The following PLD5 variants were observed in gnomAD, a reference collection of about 807,000 sequenced individuals.
PLD5 encodes phospholipase D family member 5, also known as inactive phospholipase D5.
PLD5 carries 36 observed loss-of-function variants against 61.1 expected under a neutral mutation model. The observed-to-expected ratio is 0.59, with a 90% CI of 0.45 to 0.78. The LOEUF (loss-of-function observed/expected upper bound fraction) is 0.78, where lower values mean the gene tolerates loss of function less well. Among genes scored for constraint, PLD5 ranks in the 30% least tolerant of loss-of-function variants. PLD5 has a pLI of 0.00. For synonymous variants in PLD5, 243 were observed against 242.8 expected (o/e 1.00, Z -0.01); for missense variants, 515 against 644.4 (o/e 0.80, Z 2.17).
At chr1:242,297,136 G>C (rs1675706804) in intron 2 of PLD5, among the ~76,000 whole-genome samples, 1 of 152,024 alleles carries the variant, frequency 6.6e-6, no homozygotes, top group Non-Finnish European at 1.5e-5. Context: ...ATGAGGTCAA[G>C]AGATCGAGAC....
At chr1:242,323,471 C>G (rs6688620) in intron 2 of PLD5, among the ~76,000 whole-genome samples, 12,571 of 152,184 alleles carry the variant, frequency 0.083, 723 homozygotes, top group East Asian at 0.29. Context: ...ACAGAAATCC[C>G]TTCCAAGAAT....
chr1:242,259,363 A>G (rs1673260324), intron 4 of PLD5, among the ~76,000 whole-genome samples: 1 of 152,180 alleles, frequency 6.6e-6, no homozygotes, highest in African/African-American at 2.4e-5. Context: ...GATGAAAAAG[A>G]GCTTGTAAAT....
chr1:242,401,525 C>G (rs1403124690), intron 1 of PLD5, among the ~76,000 whole-genome samples: 5 of 152,164 alleles, frequency 3.3e-5, no homozygotes, highest in Non-Finnish European at 7.3e-5. Context: ...CTCTCCAAGC[C>G]CACATCCTGT....
chr1:242,088,402 T>C lies in PLD5; in HGVS notation c.*1452A>G, dbSNP rs1035693990. The C allele has an allele frequency of 4.6e-5, 7 of 152,230 alleles. No individual in the cohort carries two copies. Among genetic ancestry groups the C allele is most frequent in the African/African-American group, 1.7e-4 (7 of 41,458 alleles). The allele number at this position is 152,230 out of a possible 1,614,324, so 9.4% of individuals were successfully genotyped here. A position where few individuals can be genotyped will look rare whatever the true frequency, so the allele number is the denominator to read the frequency against. On this transcript the variant is annotated 3_prime_UTR_variant, in exon 10 of 10. Coordinates refer to ENST00000536534, the MANE Select transcript of PLD5 (RefSeq NM_001372062.1). ...GGACCTGGTGTTGATTCCATCAAGA[T>C]ATGACAAAGTTTATTTCAAGAAAAA...
chr1:242,096,830 G>C (rs932793479), intron 9 of PLD5, among the ~76,000 whole-genome samples: 1 of 151,914 alleles, frequency 6.6e-6, no homozygotes, highest in Admixed American at 6.6e-5. Flanking sequence ...TGCCATGTTG[G>C]TGTGCTGCAC....
chr1:242,363,777 A>G (rs1363214314), intron 1 of PLD5, among the ~76,000 whole-genome samples: 1 of 152,210 alleles, frequency 6.6e-6, no homozygotes, highest in Non-Finnish European at 1.5e-5. Context: ...TATGCTACAG[A>G]GAGATTTTAA....
At chr1:242,404,463 G>A (rs1008266461) in intron 1 of PLD5, among the ~76,000 whole-genome samples, 9 of 151,988 alleles carry the variant, frequency 5.9e-5, no homozygotes, top group African/African-American at 1.7e-4. Context: ...AACTACGAGC[G>A]TTTCTAGCTG....
chr1:242,458,992 T>C (rs1275972032), intron 1 of PLD5, among the ~76,000 whole-genome samples: 1 of 152,204 alleles, frequency 6.6e-6, no homozygotes, highest in Non-Finnish European at 1.5e-5. Context: ...TTGCATTACA[T>C]CAGTCTATTC....
chr1:242,292,997 A>C (rs1444854873), intron 2 of PLD5, among the ~76,000 whole-genome samples: 1 of 152,188 alleles, frequency 6.6e-6, no homozygotes, highest in East Asian at 1.9e-4. Flanking sequence ...GTCCATGGCT[A>C]AAAAAGGGGT....
At chr1:242,399,495 T>A (rs759740472) in intron 1 of PLD5, among the ~76,000 whole-genome samples, 14 of 152,324 alleles carry the variant, frequency 9.2e-5, no homozygotes, top group African/African-American at 3.4e-4. Flanking sequence ...TATTCATTCT[T>A]TCCTAGGAGT....
chr1:242,238,866 G>A (rs770447187), intron 4 of PLD5, among the ~76,000 whole-genome samples: 16 of 152,078 alleles, frequency 1.1e-4, no homozygotes, highest in Admixed American at 2.0e-4. Context: ...GCAGGCTTTC[G>A]TTAAAGCTCA....
Position 242,090,012 on chromosome 1 carries a change from G to A in PLD5, c.1453C>T (p.Gln485Ter). The A allele has an allele frequency of 1.2e-6, 2 of 1,614,182 alleles. No individual in the cohort carries two copies. Among genetic ancestry groups the A allele is most frequent in the East Asian group, 2.2e-5 (1 of 44,880 alleles). Residue 485 changes from glutamine (Q) to a stop codon, truncating the protein, a stop_gained, in exon 10 of 10, where the codon CAA becomes TAA. Coordinates refer to ENST00000536534, the MANE Select transcript of PLD5 (RefSeq NM_001372062.1). LOFTEE classifies it high-confidence loss of function. ...TCCCTTTCAAACACATCTTTAAGTT[G>A]CTTAATGATGCTTCTGTTGTTCCTC... Reference protein sequence around the residue: ...DVRNNRSIIKQLKDVFERDWY... With the variant: ...DVRNNRSIIK
At chr1:242,390,437 T>G (rs1035807334) in intron 1 of PLD5, among the ~76,000 whole-genome samples, 1 of 152,188 alleles carries the variant, frequency 6.6e-6, no homozygotes, top group African/African-American at 2.4e-5. Context: ...ACACAGTTCT[T>G]AGATTCAACC....
intron 3 of PLD5, among the ~76,000 whole-genome samples, chr1:242,283,910 G>A (rs1574663979): frequency 6.6e-6 from 1 of 151,954 alleles, no homozygotes. Context: ...CCTTTTTATA[G>A]GCAGTGAAGT....
chr1:242,231,844 G>A (rs1276973613), intron 4 of PLD5, among the ~76,000 whole-genome samples: 3 of 150,530 alleles, frequency 2.0e-5, no homozygotes, highest in African/African-American at 7.3e-5. Context: ...AAATTGAAAT[G>A]ACTAAAAAAC....
intron 5 of PLD5, among the ~76,000 whole-genome samples, chr1:242,216,068 A>G (rs1009726146): frequency 8.5e-5 from 13 of 152,178 alleles, no homozygotes; most frequent in African/African-American, 2.9e-4. Flanking sequence ...GTAACAGCAC[A>G]CATCAAACTG....
intron 5 of PLD5, among the ~76,000 whole-genome samples, chr1:242,145,923 G>T (rs892200368): frequency 6.6e-6 from 1 of 152,196 alleles, no homozygotes; most frequent in East Asian, 1.9e-4. Flanking sequence ...TGATCCACTC[G>T]CCTTGGCCTC....
chr1:242,435,008 T>A lies in PLD5; in HGVS notation c.190-86766A>T, dbSNP rs1170254050. On this transcript the variant is annotated intron_variant, in intron 1 of 9. Coordinates refer to ENST00000536534, the MANE Select transcript of PLD5 (RefSeq NM_001372062.1). Reference sequence around the variant, plus strand: ...GTATTAAGCCCGTATGCATTAGCTATTTTTCCTGATGCTCTCCCCTCCTCA... The same window carrying A: ...GTATTAAGCCCGTATGCATTAGCTAATTTTCCTGATGCTCTCCCCTCCTCA... 2.6e-5 allele frequency among the ~76,000 whole-genome samples: 4 copies of A among 152,022 alleles called. No homozygotes were observed. In the East Asian group the frequency reaches 7.7e-4, roughly 29 times the overall value.
intron 5 of PLD5, among the ~76,000 whole-genome samples, chr1:242,164,947 C>T (rs1052516553): frequency 3.3e-5 from 5 of 152,156 alleles, no homozygotes; most frequent in Non-Finnish European, 5.9e-5. Flanking sequence ...CCACAGACCA[C>T]ATGACTGTTT....
Sources: gnomAD v4.1 joint callset for allele counts (sites outside exome capture counted in the v4.1 genomes callset) on GRCh38, gnomAD v4.1.1 for gene constraint, MANE v1.5 for transcripts, NCBI Gene and HGNC (gene_info 2026-07-23, HGNC 2026-07-21) for gene names.